The following PARM1 variants were observed in gnomAD, a reference collection of about 807,000 sequenced individuals.
PARM1 encodes the protein WSC4, cell wall integrity and stress response component 4 homolog.
Under a neutral mutation model 24.6 loss-of-function variants are expected in PARM1, and 14 were observed. That is an observed-to-expected ratio of 0.57 (90% CI 0.38 to 0.89). The LOEUF is 0.89. PARM1 is among the 40% of genes least tolerant of loss of function. The probability of loss-of-function intolerance (pLI) is 0.00; values close to 1 mark genes in which losing one functional copy is unlikely to be tolerated. For synonymous variants in PARM1, 179 were observed against 156.6 expected (o/e 1.14, Z -1.07); for missense variants, 362 against 380.4 (o/e 0.95, Z 0.40).
At chr4:74,982,374 G>T (rs1307198131) in intron 1 of PARM1, among the ~76,000 whole-genome samples, 1 of 152,070 alleles carries the variant, frequency 6.6e-6, no homozygotes, top group Non-Finnish European at 1.5e-5. Context: ...TGATGGCTTG[G>T]TATGTGCAGC....
chr4:74,986,510 A>G (rs1205646341), intron 1 of PARM1, among the ~76,000 whole-genome samples: 1 of 152,194 alleles, frequency 6.6e-6, no homozygotes, highest in African/African-American at 2.4e-5. Context: ...TATGGATAGT[A>G]TAGAAACAGG....
chr4:75,035,414 A>T (rs1723350712), intron 3 of PARM1, among the ~76,000 whole-genome samples: 2 of 152,140 alleles, frequency 1.3e-5, no homozygotes, highest in African/African-American at 2.4e-5. Context: ...TCCCATGGGC[A>T]CTGTGGCGCA....
chr4:75,045,367 C>T (rs1275815074), intron 3 of PARM1, among the ~76,000 whole-genome samples: 2 of 152,202 alleles, frequency 1.3e-5, no homozygotes, highest in Non-Finnish European at 2.9e-5. Context: ...GATGAGGATC[C>T]ATTCAAAGGT....
At chr4:74,955,680 G>T (rs1216320005) in intron 1 of PARM1, among the ~76,000 whole-genome samples, 1 of 152,088 alleles carries the variant, frequency 6.6e-6, no homozygotes, top group Non-Finnish European at 1.5e-5. Context: ...CCAACACGTC[G>T]ATCACTCTTG....
intron 1 of PARM1, among the ~76,000 whole-genome samples, chr4:74,936,445 T>TTTG (rs1553967297): frequency 5.8e-5 from 4 of 68,712 alleles, no homozygotes; most frequent in South Asian, 3.7e-4. Flanking sequence ...AGTGTTTTTT[T>TTTG]TTTGTTTGTT....
At chr4:75,043,703 G>C in intron 3 of PARM1, among the ~76,000 whole-genome samples, 1 of 152,276 alleles carries the variant, frequency 6.6e-6, no homozygotes, top group Admixed American at 6.5e-5. Context: ...TCATTCTACA[G>C]CTTCCATTTC....
intron 2 of PARM1, among the ~76,000 whole-genome samples, chr4:75,015,689 T>A (rs192090718): frequency 3.2e-4 from 49 of 152,320 alleles, no homozygotes; most frequent in Admixed American, 8.5e-4. Context: ...GATGATGTGA[T>A]AGAACCTGTT....
rs151043052 is a variant in PARM1 at position 74,933,877 on chromosome 4, C to T, written c.43+507C>T. 9.6e-4 allele frequency among the ~76,000 whole-genome samples: 146 copies of T among 152,270 alleles called. 1 individual carries two copies. Among genetic ancestry groups the T allele is most frequent in the African/African-American group, 3.1e-3 (129 of 41,562 alleles). On this transcript the variant is annotated intron_variant, in intron 1 of 3. Transcript: ENST00000307428. ...CTCGAGTCTTGGCGGTCTCTGATCT[C>T]CGGCGTCCCTTCCTAGTTATGCTTA...
chr4:74,998,013 A>G (rs991961047), intron 1 of PARM1, among the ~76,000 whole-genome samples: 4 of 152,188 alleles, frequency 2.6e-5, no homozygotes, highest in Admixed American at 2.0e-4. Flanking sequence ...CTGTCCTTCC[A>G]GATTGATGTG....
chr4:74,946,998 A>G (rs1721423141), intron 1 of PARM1, among the ~76,000 whole-genome samples: 1 of 152,188 alleles, frequency 6.6e-6, no homozygotes, highest in Non-Finnish European at 1.5e-5. Context: ...AATTTTCTCT[A>G]GGGTTATTCC....
intron 3 of PARM1, among the ~76,000 whole-genome samples, chr4:75,037,620 A>C (rs1426168127): frequency 1.3e-5 from 2 of 152,100 alleles, no homozygotes; most frequent in Non-Finnish European, 2.9e-5. Flanking sequence ...GTGACTTATA[A>C]AATGAACTGC....
intron 1 of PARM1, among the ~76,000 whole-genome samples, 193 bp downstream of exon 1, chr4:74,933,563 C>T (rs1260121927): frequency 2.6e-5 from 4 of 152,118 alleles, no homozygotes; most frequent in African/African-American, 7.2e-5. Flanking sequence ...AGGGAGGGGA[C>T]GATGGGGTCC....
intron 1 of PARM1, chr4:74,970,215 T>A (rs919816954): frequency 6.6e-6 from 1 of 152,202 alleles, no homozygotes; most frequent in Non-Finnish European, 1.5e-5. Flanking sequence ...ATACAGTATC[T>A]CAGGTTTCCT....
intron 1 of PARM1, among the ~76,000 whole-genome samples, chr4:74,941,002 C>A (rs1721296152): frequency 6.6e-6 from 1 of 152,172 alleles, no homozygotes; most frequent in Non-Finnish European, 1.5e-5. Flanking sequence ...TAAAGAAAAT[C>A]TGGTGGATTG....
chr4:75,049,718 A>T lies in PARM1; in HGVS notation c.*3471A>T, dbSNP rs893662648. ...GTCTTCTGGATTCTTTGTGGGGTTA[A>T]TTTTGATTTGATGTCATCTGTTTGC... On this transcript the variant is annotated 3_prime_UTR_variant, in exon 4 of 4. Transcript: ENST00000307428. 6.6e-6 allele frequency: 1 copy of T among 152,596 alleles called. No individual in the cohort carries two copies. Among genetic ancestry groups the T allele is most frequent in the African/African-American group, 2.4e-5 (1 of 41,428 alleles). The allele number at this position is 152,596 out of a possible 1,614,324, so 9.5% of individuals were successfully genotyped here. A position where few individuals can be genotyped will look rare whatever the true frequency, so the allele number is the denominator to read the frequency against.
intron 1 of PARM1, among the ~76,000 whole-genome samples, chr4:75,002,787 T>C (rs1722705465): frequency 6.6e-6 from 1 of 152,204 alleles, no homozygotes; most frequent in African/African-American, 2.4e-5. Context: ...TCTTGGCCTC[T>C]GGTGGACCCA....
At chr4:75,035,221 C>A (rs1331592639) in intron 3 of PARM1, among the ~76,000 whole-genome samples, 1 of 152,142 alleles carries the variant, frequency 6.6e-6, no homozygotes, top group Non-Finnish European at 1.5e-5. Flanking sequence ...TGACCACTGT[C>A]TATTATTTTA....
intron 1 of PARM1, among the ~76,000 whole-genome samples, chr4:74,981,364 CAT>C (rs1220305828): frequency 6.6e-6 from 1 of 151,530 alleles, no homozygotes; most frequent in African/African-American, 2.4e-5. Context: ...GGCCAAGAAA[CAT>C]ATGAAAAAAA....
intron 1 of PARM1, among the ~76,000 whole-genome samples, chr4:75,005,584 A>C (rs1382077291): frequency 2.0e-5 from 3 of 152,188 alleles, no homozygotes; most frequent in Non-Finnish European, 4.4e-5. Context: ...TGCATGTCCC[A>C]ACAATCAGCC....
Sources: allele counts gnomAD v4.1 joint callset (sites outside exome capture counted in the v4.1 genomes callset), GRCh38; gene constraint gnomAD v4.1.1; transcripts MANE v1.5; gene names NCBI Gene and HGNC (gene_info 2026-07-23, HGNC 2026-07-21).